RAB31: variants seen among roughly 807,000 people sequenced by gnomAD.
RAB31 encodes RAB31, member RAS oncogene family, also known as ras-related protein Rab-31.
In RAB31, 21 loss-of-function variants were observed where a neutral mutation model predicts 25.6. The observed-to-expected ratio is 0.82, with a 90% CI of 0.58 to 1.18. The LOEUF (loss-of-function observed/expected upper bound fraction) is 1.18, where lower values mean the gene tolerates loss of function less well. Among genes scored for constraint, RAB31 ranks in the 50% most tolerant of loss-of-function variants. The pLI is 0.00. For missense variants in RAB31, 196 were observed against 250.1 expected, an observed-to-expected ratio of 0.78 and a Z score of 1.46; for synonymous variants, 87 against 84.0, an observed-to-expected ratio of 1.04 and a Z score of -0.20.
intron 1 of RAB31, among the ~76,000 whole-genome samples, chr18:9,715,216 G>A (rs1336372861): frequency 6.6e-6 from 1 of 152,068 alleles, no homozygotes; most frequent in Non-Finnish European, 1.5e-5. Flanking sequence ...GTTTCTTGGA[G>A]TAGGAAGGAT....
At chr18:9,840,970 C>G (rs2068730430) in intron 5 of RAB31, among the ~76,000 whole-genome samples, 1 of 152,110 alleles carries the variant, frequency 6.6e-6, no homozygotes, top group Non-Finnish European at 1.5e-5. Context: ...CTCTGTTACC[C>G]AAGCGAGAGT....
At chr18:9,850,463 T>C (rs1013543011) in intron 6 of RAB31, among the ~76,000 whole-genome samples, 1 of 152,198 alleles carries the variant, frequency 6.6e-6, no homozygotes, top group Non-Finnish European at 1.5e-5. Flanking sequence ...AATATCTCTT[T>C]AAAAGTATTT....
chr18:9,859,577 T>C lies in RAB31; in HGVS notation c.*252T>C. 3.0e-6 allele frequency: 1 copy of C among 336,524 alleles called. No homozygotes were observed. Among genetic ancestry groups the C allele is most frequent in the Non-Finnish European group, 5.2e-6 (1 of 192,908 alleles). 20.8% of individuals were successfully genotyped at this position (336,524 alleles called of 1,614,324 possible). A position where few individuals can be genotyped will look rare whatever the true frequency, so the allele number is the denominator to read the frequency against. Reference sequence around the variant, plus strand: ...TGAAATGCACATGGAGGGGATGTAGTTGCATTTTTGCTAAAAAAAAAAAAA... The same window carrying C: ...TGAAATGCACATGGAGGGGATGTAGCTGCATTTTTGCTAAAAAAAAAAAAA... On this transcript the variant is annotated 3_prime_UTR_variant, in exon 7 of 7. Coordinates refer to ENST00000578921, the MANE Select transcript of RAB31 (RefSeq NM_006868.4).
Position 9,835,249 on chromosome 18 carries a change from A to G in RAB31, c.381-10333A>G, listed in dbSNP as rs116063794. Among the ~76,000 whole-genome samples the G allele has an allele frequency of 2.6e-3, 394 of 152,316 alleles. 2 individuals carry two copies. Among genetic ancestry groups the G allele is most frequent in the African/African-American group, 9.1e-3 (377 of 41,560 alleles). ...CCACTAAGAAGTACAAACAGGACCC[A>G]CAGTACAAACAGGAACTCCCAAACT... is the stretch of plus-strand genomic sequence containing the variant. On this transcript the variant is annotated intron_variant, in intron 5 of 6. Coordinates refer to ENST00000578921, the MANE Select transcript of RAB31 (RefSeq NM_006868.4).
chr18:9,844,077 G>A, intron 5 of RAB31, among the ~76,000 whole-genome samples: 1 of 152,124 alleles, frequency 6.6e-6, no homozygotes, highest in East Asian at 1.9e-4. Context: ...TCTGGTCGAG[G>A]ATTGTGATAC....
At chr18:9,753,450 C>T (rs1366415288) in intron 1 of RAB31, among the ~76,000 whole-genome samples, 2 of 152,222 alleles carry the variant, frequency 1.3e-5, no homozygotes, top group Non-Finnish European at 2.9e-5. Context: ...AGAGTCCTCA[C>T]CAGCAGGAAG....
At chr18:9,716,933 T>TCTTTC (rs1555682999) in intron 1 of RAB31, among the ~76,000 whole-genome samples, 45 of 141,490 alleles carry the variant, frequency 3.2e-4, no homozygotes, top group Admixed American at 5.6e-4. Context: ...TTTCTTTCTT[T>TCTTTC]TTTTTTTGGT....
intron 5 of RAB31, among the ~76,000 whole-genome samples, chr18:9,832,934 A>G (rs1414034693): frequency 6.6e-6 from 1 of 152,132 alleles, no homozygotes; most frequent in Non-Finnish European, 1.5e-5. Flanking sequence ...CCAAAACTGC[A>G]GCTGAGGGTT....
chr18:9,757,178 G>C (rs1236494427), intron 1 of RAB31, among the ~76,000 whole-genome samples: 1 of 152,188 alleles, frequency 6.6e-6, no homozygotes, highest in African/African-American at 2.4e-5. Context: ...GCTGGGGAAG[G>C]GGATGCCTGG....
At chr18:9,752,818 CTT>C (rs1047163478) in intron 1 of RAB31, among the ~76,000 whole-genome samples, 3 of 152,146 alleles carry the variant, frequency 2.0e-5, no homozygotes, top group African/African-American at 7.2e-5. Context: ...AGTTTGGAGA[CTT>C]TTACTTTATG....
intron 1 of RAB31, among the ~76,000 whole-genome samples, chr18:9,757,629 C>T (rs1225870772): frequency 6.6e-6 from 1 of 152,146 alleles, no homozygotes; most frequent in Non-Finnish European, 1.5e-5. Flanking sequence ...ACACCGCATG[C>T]TGGGTCTGTG....
intron 2 of RAB31, chr18:9,787,561 C>T (rs945792512): frequency 1.6e-5 from 3 of 187,038 alleles, no homozygotes; most frequent in African/African-American, 2.4e-5. Context: ...GCAGTCAGCA[C>T]TTACCATCAG....
At chr18:9,857,642 T>TA (rs1291104755) in intron 6 of RAB31, among the ~76,000 whole-genome samples, 1 of 102,916 alleles carries the variant, frequency 9.7e-6, no homozygotes, top group Non-Finnish European at 2.3e-5. Context: ...GCCAATAATA[T>TA]AGATAGATAG....
At chr18:9,810,782 C>G (rs965884340) in intron 3 of RAB31, among the ~76,000 whole-genome samples, 2 of 152,148 alleles carry the variant, frequency 1.3e-5, no homozygotes, top group Non-Finnish European at 2.9e-5. Flanking sequence ...CCATGAATAT[C>G]TTTACTTTTG....
chr18:9,840,706 C>T (rs565466596), intron 5 of RAB31, among the ~76,000 whole-genome samples: 30 of 152,120 alleles, frequency 2.0e-4, no homozygotes, highest in Non-Finnish European at 3.8e-4. Flanking sequence ...GTTAAGAGTG[C>T]AATACTGCGA....
chr18:9,818,282 A>AT (rs1264533831), intron 5 of RAB31, among the ~76,000 whole-genome samples: 1 of 152,168 alleles, frequency 6.6e-6, no homozygotes, highest in Non-Finnish European at 1.5e-5. Flanking sequence ...CTGTTAGTAT[A>AT]TTTTTAGAGT....
intron 1 of RAB31, among the ~76,000 whole-genome samples, chr18:9,763,624 G>A (rs989224193): frequency 2.1e-4 from 26 of 126,396 alleles, no homozygotes; most frequent in African/African-American, 7.2e-4. Context: ...ATATATATAT[G>A]GTGAAAAAGT....
chr18:9,777,338 GATAA>G (rs1164466897), intron 2 of RAB31, among the ~76,000 whole-genome samples: 3 of 152,156 alleles, frequency 2.0e-5, no homozygotes, highest in African/African-American at 7.2e-5. Flanking sequence ...TAAGTAAATA[GATAA>G]ATAAATAAAT....
At chr18:9,794,543 A>AC (rs2068477069) in intron 3 of RAB31, among the ~76,000 whole-genome samples, 1 of 152,236 alleles carries the variant, frequency 6.6e-6, no homozygotes, top group South Asian at 2.1e-4. Flanking sequence ...CAGGCTGGGC[A>AC]CCGTGGCTCA....
Sources: allele counts gnomAD v4.1 joint callset (sites outside exome capture counted in the v4.1 genomes callset), GRCh38; gene constraint gnomAD v4.1.1; transcripts MANE v1.5; gene names NCBI Gene and HGNC (gene_info 2026-07-23, HGNC 2026-07-21).